Variants in NDRG2 observed in about 807,000 individuals in gnomAD.
NDRG2 encodes protein NDRG2.
Under a neutral mutation model 58.2 loss-of-function variants are expected in NDRG2, and 34 were observed. The observed-to-expected ratio is 0.58, with a 90% CI of 0.44 to 0.78. The LOEUF is 0.78. NDRG2 is among the 30% of genes least tolerant of loss of function. The pLI is 0.00. For missense variants in NDRG2, 434 were observed against 471.2 expected (o/e 0.92, Z 0.73); for synonymous variants, 187 against 175.9 (o/e 1.06, Z -0.50).
chr14:21,043,411 AG>A lies in NDRG2; in HGVS notation c.25-20091del, dbSNP rs372462945. 1.3e-5 allele frequency: 21 copies of A among 1,611,314 alleles called. No individual in the cohort carries two copies. The African/African-American group carries it at 1.6e-4, about 12-fold the overall frequency. ...GTGGCCTGTAAGCCTCCCCAGAAAA[AG>A]GACTCTCAGCAATTCCACCTGGTTC... On this transcript the variant is annotated intron_variant, in intron 1 of 14. Coordinates refer to the NDRG2 transcript ENST00000403829.
chr14:21,049,082 G>A (rs995673425), intron 1 of NDRG2, among the ~76,000 whole-genome samples: 6 of 152,174 alleles, frequency 3.9e-5, no homozygotes, highest in African/African-American at 4.8e-5. Flanking sequence ...TAAGTTGGAG[G>A]ACTTAGGACC....
At chr14:21,056,775 T>A in intron 1 of NDRG2, among the ~76,000 whole-genome samples, 1 of 152,182 alleles carries the variant, frequency 6.6e-6, no homozygotes, top group Non-Finnish European at 1.5e-5. Context: ...TGCCACTCAC[T>A]CGGCGGCCTT....
At chr14:21,057,446 AAAAG>A (rs1885724553) in intron 1 of NDRG2, among the ~76,000 whole-genome samples, 1 of 151,934 alleles carries the variant, frequency 6.6e-6, no homozygotes, top group South Asian at 2.1e-4. Context: ...CAAAAAAAAA[AAAAG>A]ATTTAGTTTC....
chr14:21,049,352 T>C (rs1274922142), intron 1 of NDRG2, among the ~76,000 whole-genome samples: 1 of 152,202 alleles, frequency 6.6e-6, no homozygotes, highest in Non-Finnish European at 1.5e-5. Flanking sequence ...TCATGTCCAG[T>C]GGATTGGTTA....
At position 21,024,859 on chromosome 14, in the gene NDRG2, C is replaced by G; in HGVS notation, c.-836G>C. Reference sequence around the variant, plus strand: ...CAACCTCGCGCGCACCCCAAACACGCCCTGCAGCTCTTGGAGCCTCAGCCT... The same window carrying G: ...CAACCTCGCGCGCACCCCAAACACGGCCTGCAGCTCTTGGAGCCTCAGCCT... On this transcript the variant is annotated 5_prime_UTR_variant, in exon 1 of 16. Coordinates refer to ENST00000556147, the MANE Select transcript of NDRG2 (RefSeq NM_001320329.2). The G allele has an allele frequency of 1.0e-6, 1 of 985,746 alleles. No homozygotes were observed. The highest frequency in any genetic ancestry group is 1.2e-6 in the Non-Finnish European group (1 of 830,142). The allele number at this position is 985,746 out of a possible 1,614,324, so 61.1% of individuals were successfully genotyped here.
At position 21,017,994 on chromosome 14, in the gene NDRG2, C is replaced by G; in HGVS notation, c.942G>C (p.Met314Ile). Residue 314 changes from methionine to isoleucine, a missense_variant, in exon 15 of 16, where the codon ATG (methionine) becomes ATC (isoleucine). Coordinates refer to ENST00000556147, the MANE Select transcript of NDRG2 (RefSeq NM_001320329.2). ...TCTTGTCCCGATACTCACTGTAGCC[C>G]ATGCCTTGCAGGAAGTACTTGAAGG... Reference protein sequence around the residue: ...TEAFKYFLQGMGYMASSCMTR... With the variant: ...TEAFKYFLQGIGYMASSCMTR... 6.2e-7 allele frequency: 1 copy of G among 1,614,182 alleles called. No homozygotes were observed. Among genetic ancestry groups the G allele is most frequent in the Non-Finnish European group, 8.5e-7 (1 of 1,180,018 alleles).
rs771699527 is a variant in NDRG2, at chr14:21,019,168, G to C, written c.717-8C>G. 3 of 1,609,376 alleles carry C rather than the reference G, an allele frequency of 1.9e-6. No homozygotes were observed. In the South Asian group the frequency reaches 3.3e-5, roughly 18 times the overall value. ...AAGTTCAGGTCTCGGCGGCTAGAAA[G>C]GGGTTAAAAGAGTAGGAATTTTAGG... On this transcript the variant is annotated splice_region_variant and splice_polypyrimidine_tract_variant and intron_variant, in intron 10 of 15. Transcript: ENST00000556147.
intron 1 of NDRG2, chr14:21,023,546 T>A (rs190351910): frequency 1.0e-4 from 57 of 546,734 alleles, no homozygotes; most frequent in African/African-American, 8.9e-4. Context: ...CTCTTGATAC[T>A]CACCATCCCC....
At chr14:21,025,609 G>GA, upstream of NDRG2, 2 of 985,468 alleles carry the variant, frequency 2.0e-6, no homozygotes, top group South Asian at 9.4e-5. The surrounding 1 kb of genome is among the most constrained non-coding windows in gnomAD (Gnocchi z 5.1). Flanking sequence ...TGCTGGCGCC[G>GA]AAAGGGGGCA....
intron 2 of NDRG2, 85 bp from the exon 3 acceptor site, chr14:21,022,990 G>C (rs768865351): frequency 5.4e-6 from 8 of 1,482,074 alleles, no homozygotes; most frequent in Middle Eastern, 1.7e-4. Flanking sequence ...AGAGAGGCAA[G>C]TAAAGACAGA....
Position 21,022,127 on chromosome 14 carries a change from C to G in NDRG2, c.279G>C (p.Gln93His), listed in dbSNP as rs766461796. The G allele has an allele frequency of 8.7e-6, 14 of 1,614,180 alleles. No homozygotes were observed. The highest frequency in any genetic ancestry group is 1.2e-5 in the Non-Finnish European group (14 of 1,180,032). Residue 93 changes from glutamine to histidine, a missense_variant, in exon 5 of 16, where the codon CAG (glutamine) becomes CAC (histidine). By Grantham distance (24) the Gln-to-His change is conservative. Transcript: ENST00000556147. ...CATCCACATGAACCCGCACAAAGTT[C>G]TGAATGATTTCCTGCATGTCCTCGA... is the stretch of plus-strand genomic sequence containing the variant. ...FQFEDMQEII[Q>H]NFVRVHVDAP...
At chr14:21,034,264 G>T (rs780348680) in intron 1 of NDRG2, 2 of 1,613,254 alleles carry the variant, frequency 1.2e-6, no homozygotes, top group East Asian at 4.5e-5. Flanking sequence ...TGGAGGAAAA[G>T]GAGCCGGGTC....
At chr14:21,050,197 G>A (rs961692569) in intron 1 of NDRG2, among the ~76,000 whole-genome samples, 1 of 152,158 alleles carries the variant, frequency 6.6e-6, no homozygotes, top group Non-Finnish European at 1.5e-5. Context: ...ATCCTGACAC[G>A]TTGCATTTCT....
chr14:21,070,004 G>C lies in NDRG2; in HGVS notation c.24+824C>G, dbSNP rs1415034989. 1.3e-5 allele frequency among the ~76,000 whole-genome samples: 2 copies of C among 152,220 alleles called. No individual in the cohort carries two copies. The highest frequency in any genetic ancestry group is 2.9e-5 in the Non-Finnish European group (2 of 68,030). On this transcript the variant is annotated intron_variant, in intron 1 of 14. Transcript: ENST00000403829. This position sits in a 1 kb window ranked among gnomAD's most constrained non-coding sequence, Gnocchi z 4.7. ...GAGCGAGGCCGTGGCGGGAAAAGAG[G>C]GGCATCCTCGGCTGGGCGGGCCTCC... is the stretch of plus-strand genomic sequence containing the variant.
At chr14:21,033,700 T>A in intron 1 of NDRG2, 1 of 772,688 alleles carries the variant, frequency 1.3e-6, no homozygotes, top group Non-Finnish European at 2.3e-6. Context: ...ACCTGGTCTC[T>A]TGGGAGGGGA....
chr14:21,033,105 A>G (rs1197664747), intron 1 of NDRG2: 1 of 410,436 alleles, frequency 2.4e-6, no homozygotes, highest in African/African-American at 2.1e-5. Flanking sequence ...TTGAAATGCC[A>G]GTGAGCCAAG....
chr14:21,018,341 CTT>C, intron 13 of NDRG2, 102 bp from the exon 14 acceptor site: 3 of 1,602,160 alleles, frequency 1.9e-6, no homozygotes, highest in Non-Finnish European at 2.6e-6. Context: ...ACTCTAGCCC[CTT>C]TGTTTTGTTC....
Position 21,018,473 on chromosome 14 carries a change from T to C in NDRG2, c.845A>G (p.Gln282Arg). ...VECNSKLDPT[Q>R]TSFLKMADSG... ...GTTACTGACCTTGAGGAACGAGGTCTGGGTGGGGTCCAGTTTTGAGTTACA... is the reference window on the plus strand; with the variant it reads ...GTTACTGACCTTGAGGAACGAGGTCCGGGTGGGGTCCAGTTTTGAGTTACA... Residue 282 changes from glutamine (Q) to arginine (R), a missense_variant, in exon 13 of 16, where the codon CAG becomes CGG. By Grantham distance (43) the Gln-to-Arg change is conservative (BLOSUM62 1). Coordinates refer to ENST00000556147, the MANE Select transcript of NDRG2 (RefSeq NM_001320329.2). The C allele has an allele frequency of 6.2e-7, 1 of 1,614,074 alleles. No homozygotes were observed. Among genetic ancestry groups the C allele is most frequent in the Non-Finnish European group, 8.5e-7 (1 of 1,179,974 alleles).
At position 21,065,182 on chromosome 14, in the gene NDRG2, AC is replaced by A. The variant is rs376676417; in HGVS notation, c.24+5645del. ...AAAACTCCATCTCAAAAAAAAAAAA[AC>A]AAACAACAACAACAAAAAAATTCTG... On this transcript the variant is annotated intron_variant, in intron 1 of 14. Coordinates refer to the NDRG2 transcript ENST00000403829. 6.5e-3 allele frequency among the ~76,000 whole-genome samples: 971 copies of A among 148,636 alleles called. 7 individuals are homozygous for A. Among genetic ancestry groups the A allele is most frequent in the African/African-American group, 0.022 (908 of 41,054 alleles).
Sources: gnomAD v4.1 joint callset for allele counts (sites outside exome capture counted in the v4.1 genomes callset) on GRCh38, gnomAD v4.1.1 for gene constraint, Gnocchi (gnomAD v3.1) non-coding constraint, MANE v1.5 for transcripts, NCBI Gene and HGNC (gene_info 2026-07-23, HGNC 2026-07-21) for gene names.